NCAM1: variants seen among roughly 807,000 people sequenced by gnomAD.
NCAM1 encodes neural cell adhesion molecule 1.
In NCAM1, 14 loss-of-function variants were observed where a neutral mutation model predicts 109.8. That is an observed-to-expected ratio of 0.13 (90% CI 0.08 to 0.20). The LOEUF (loss-of-function observed/expected upper bound fraction) is 0.20, where lower values mean the gene tolerates loss of function less well. NCAM1 is among the 10% of genes least tolerant of loss of function. NCAM1 has a pLI of 1.00. For synonymous variants in NCAM1, 418 were observed against 442.9 expected (o/e 0.94, Z 0.70); for missense variants, 774 against 1,109.9 (o/e 0.70, Z 4.30).
chr11:113,131,971 A>C (rs1349805407), intron 1 of NCAM1, among the ~76,000 whole-genome samples: 4 of 152,194 alleles, frequency 2.6e-5, no homozygotes, highest in Non-Finnish European at 5.9e-5. Context: ...GTCTGGAGCT[A>C]GGTGAGCCAC....
At chr11:113,027,376 A>C (rs1423389736) in intron 1 of NCAM1, among the ~76,000 whole-genome samples, 1 of 152,250 alleles carries the variant, frequency 6.6e-6, no homozygotes, top group East Asian at 1.9e-4. Flanking sequence ...GTTTAATGAC[A>C]TAGATAACAC....
chr11:113,202,274 G>A (rs1480361440), intron 1 of NCAM1, 105 bp from the exon 2 acceptor site: 1 of 1,152,396 alleles, frequency 8.7e-7, no homozygotes, highest in Non-Finnish European at 1.2e-6. Context: ...ATTTTTGAAT[G>A]GAAGATCTGG....
At chr11:112,967,546 C>T (rs1041224967) in intron 1 of NCAM1, among the ~76,000 whole-genome samples, 2 of 152,058 alleles carry the variant, frequency 1.3e-5, no homozygotes, top group Non-Finnish European at 2.9e-5. Flanking sequence ...TCCGTGAGAT[C>T]GGAAAATTAG....
intron 9 of NCAM1, among the ~76,000 whole-genome samples, chr11:113,230,259 A>G (rs1226025374): frequency 6.6e-6 from 1 of 152,162 alleles, no homozygotes; most frequent in Non-Finnish European, 1.5e-5. Flanking sequence ...GCATCTTTCA[A>G]CCAACCAGCA....
At position 113,064,158 on chromosome 11, in the gene NCAM1, C is replaced by T. The variant is rs144931316; in HGVS notation, c.52+102494C>T. Among the ~76,000 whole-genome samples the T allele has an allele frequency of 2.0e-3, 304 of 152,326 alleles. 2 individuals carry two copies. The highest frequency in any genetic ancestry group is 2.0e-3 in the Non-Finnish European group (138 of 68,030). On this transcript the variant is annotated intron_variant, in intron 1 of 19. Coordinates refer to ENST00000316851, the MANE Select transcript of NCAM1 (RefSeq NM_181351.5). ...GGCCTGCCTGATATTGAATGATTGACATTCTGATGGAGTGGGGAGATGTGG... is the reference window on the plus strand; with the variant it reads ...GGCCTGCCTGATATTGAATGATTGATATTCTGATGGAGTGGGGAGATGTGG...
intron 1 of NCAM1, among the ~76,000 whole-genome samples, chr11:113,107,474 A>G (rs1158524348): frequency 1.3e-5 from 2 of 152,208 alleles, no homozygotes; most frequent in African/African-American, 4.8e-5. Context: ...GGTGATAAAG[A>G]CATACCTGAG....
Position 113,222,835 on chromosome 11 carries a change from T to G in NCAM1, c.1089+1510T>G, listed in dbSNP as rs566920000. On this transcript the variant is annotated intron_variant, in intron 9 of 19. Transcript: ENST00000316851. ...CACCTCACTCTGTTTTTCAGAAGTGTCCTTATCATGAGTGTCTTACTTTGG... is the reference window on the plus strand; with the variant it reads ...CACCTCACTCTGTTTTTCAGAAGTGGCCTTATCATGAGTGTCTTACTTTGG... Among the ~76,000 whole-genome samples, 28 of 152,288 alleles carry G rather than the reference T, an allele frequency of 1.8e-4. 1 individual carries two copies. In the South Asian group the frequency reaches 5.6e-3, roughly 30 times the overall value.
intron 1 of NCAM1, among the ~76,000 whole-genome samples, chr11:113,147,374 C>T (rs1330825121): frequency 3.9e-5 from 6 of 152,226 alleles, no homozygotes; most frequent in Non-Finnish European, 7.3e-5. Flanking sequence ...AAAACAAAAA[C>T]GGCTAGCTCA....
intron 1 of NCAM1, among the ~76,000 whole-genome samples, chr11:113,102,886 A>G (rs1275684049): frequency 6.6e-6 from 1 of 152,196 alleles, no homozygotes; most frequent in Non-Finnish European, 1.5e-5. Flanking sequence ...TTAGAATCTG[A>G]GTTACTTCCT....
At chr11:113,117,465 A>G (rs1261708700) in intron 1 of NCAM1, among the ~76,000 whole-genome samples, 3 of 151,884 alleles carry the variant, frequency 2.0e-5, no homozygotes, top group African/African-American at 7.3e-5. Flanking sequence ...TCCCCCACTA[A>G]TCCCCGCAGC....
chr11:113,125,630 G>A (rs1452959423), intron 1 of NCAM1, among the ~76,000 whole-genome samples: 1 of 152,212 alleles, frequency 6.6e-6, no homozygotes, highest in East Asian at 1.9e-4. Flanking sequence ...GTCAGCCAAA[G>A]GTGGGCGGTC....
chr11:113,202,067 A>G (rs1030019531), intron 1 of NCAM1, among the ~76,000 whole-genome samples: 1 of 152,190 alleles, frequency 6.6e-6, no homozygotes, highest in East Asian at 1.9e-4. Context: ...AAGGGGTTGG[A>G]AACATTTAGT....
chr11:113,277,320 C>A lies in NCAM1; in HGVS notation c.*1933C>A. ...AAGAATAATGGTCTTGTCATTTGCTCAATGTGGGGTTATGTTGCATTTTCT... is the reference window on the plus strand; with the variant it reads ...AAGAATAATGGTCTTGTCATTTGCTAAATGTGGGGTTATGTTGCATTTTCT... On this transcript the variant is annotated 3_prime_UTR_variant, in exon 20 of 20. Coordinates refer to ENST00000316851, the MANE Select transcript of NCAM1 (RefSeq NM_181351.5). 1 of 399,038 alleles carries A rather than the reference C, an allele frequency of 2.5e-6. No individual in the cohort carries two copies. Among genetic ancestry groups the A allele is most frequent in the South Asian group, 1.3e-4 (1 of 7,850 alleles). 24.7% of individuals were successfully genotyped at this position (399,038 alleles called of 1,614,324 possible).
At chr11:113,193,611 C>G (rs897098463) in intron 1 of NCAM1, among the ~76,000 whole-genome samples, 2 of 151,122 alleles carry the variant, frequency 1.3e-5, no homozygotes, top group African/African-American at 4.9e-5. Context: ...CGAGATCCAG[C>G]CTGGGCAAGA....
rs375710531 is a variant in NCAM1, at chr11:113,081,198, C to T, written c.52+119534C>T. On this transcript the variant is annotated intron_variant, in intron 1 of 19. Transcript: ENST00000316851. ...CTGTTTCTCACTGGATGACTGCCTA[C>T]CCGCTGCGCTTACCTTTGTGCTACC... Among the ~76,000 whole-genome samples the T allele has an allele frequency of 1.3e-5, 2 of 152,172 alleles. 1 individual carries two copies. Among genetic ancestry groups the T allele is most frequent in the East Asian group, 3.9e-4 (2 of 5,188 alleles).
chr11:113,232,533 C>T lies in NCAM1; in HGVS notation c.1425+179C>T, dbSNP rs569743517. 4.3e-4 allele frequency among the ~76,000 whole-genome samples: 65 copies of T among 152,294 alleles called. No homozygotes were observed. The South Asian group carries it at 5.4e-3, about 13-fold the overall frequency. On this transcript the variant is annotated intron_variant, in intron 11 of 19. Coordinates refer to ENST00000316851, the MANE Select transcript of NCAM1 (RefSeq NM_181351.5). The stretch of plus-strand genomic sequence containing the variant: ...CCCCTTCGCCCACTCTACCAGTCCC[C>T]TCCCTGAATGTGCCTCTCCCATGAG...
intron 8 of NCAM1, among the ~76,000 whole-genome samples, chr11:113,219,132 C>A (rs1423169634): frequency 1.3e-5 from 2 of 152,122 alleles, no homozygotes; most frequent in African/African-American, 4.8e-5. Flanking sequence ...GAAAGGAGAG[C>A]AGTGAAGAAT....
intron 1 of NCAM1, among the ~76,000 whole-genome samples, chr11:113,172,249 G>T (rs1943017858): frequency 6.6e-6 from 1 of 152,326 alleles, no homozygotes; most frequent in Admixed American, 6.5e-5. Context: ...CAGGCTGGGT[G>T]GTGGTACTTC....
chr11:113,245,312 G>C (rs589760), intron 14 of NCAM1, among the ~76,000 whole-genome samples: 87,142 of 151,932 alleles, frequency 0.57, 25,296 homozygotes, highest in East Asian at 0.77. Context: ...TATAGTAGCA[G>C]ACGCCTGCAG....
Sources: allele counts gnomAD v4.1 joint callset (sites outside exome capture counted in the v4.1 genomes callset), GRCh38; gene constraint gnomAD v4.1.1; transcripts MANE v1.5; gene names NCBI Gene and HGNC (gene_info 2026-07-23, HGNC 2026-07-21).